The following LINGO2 variants were observed in gnomAD, a reference collection of about 807,000 sequenced individuals.
LINGO2 encodes leucine rich repeat and Ig domain containing 2.
A neutral mutation model predicts 30.6 loss-of-function variants in LINGO2; 14 were observed. The observed-to-expected ratio is 0.46, with a 90% CI of 0.30 to 0.72. The LOEUF is 0.72. LINGO2 is among the 30% of genes least tolerant of loss of function. LINGO2 has a pLI of 0.07. For synonymous variants in LINGO2, 317 were observed against 288.5 expected (o/e 1.10, Z -1.00); for missense variants, 729 against 751.7 (o/e 0.97, Z 0.35).
chr9:28,695,590 A>G, the LINGO2 span, among the ~76,000 whole-genome samples: 5 of 151,922 alleles, frequency 3.3e-5, no homozygotes, highest in Non-Finnish European at 2.9e-5. Context: ...TGACTTGTAA[A>G]TAGAGATTTC....
At chr9:28,883,618 A>ATG in the LINGO2 span, among the ~76,000 whole-genome samples, 4,322 of 36,146 alleles carry the variant, frequency 0.12, 718 homozygotes, top group Middle Eastern at 0.18. Flanking sequence ...TATATAAAAT[A>ATG]TGTGTGTGTG....
At chr9:28,220,195 G>C (rs4472614) in intron 4 of LINGO2, among the ~76,000 whole-genome samples, 1 of 151,910 alleles carries the variant, frequency 6.6e-6, no homozygotes, top group African/African-American at 2.4e-5. Context: ...TGGGATTTTC[G>C]TATCTCTGGG....
chr9:28,309,637 T>G lies in LINGO2; in HGVS notation c.-245-14271A>C, dbSNP rs142091350. 3.8e-3 allele frequency among the ~76,000 whole-genome samples: 584 copies of G among 151,820 alleles called. 4 individuals carry two copies. Among genetic ancestry groups the G allele is most frequent in the African/African-American group, 0.014 (560 of 41,442 alleles). On this transcript the variant is annotated intron_variant, in intron 3 of 5. Transcript: ENST00000379992. ...GGGTAAGCTAAGATTAATTTACTAT[T>G]AAAGAAAAAATTTAAAAAAATTGAT...
chr9:28,634,485 C>CTTTTTTTTTT (rs755583837), intron 1 of LINGO2, among the ~76,000 whole-genome samples: 10 of 124,664 alleles, frequency 8.0e-5, no homozygotes, highest in South Asian at 2.5e-4. Context: ...TTCTTTTTTT[C>CTTTTTTTTTT]TTTTTTTTTT....
chr9:28,293,384 C>T (rs542850185), intron 4 of LINGO2, among the ~76,000 whole-genome samples: 2 of 152,222 alleles, frequency 1.3e-5, no homozygotes, highest in Admixed American at 6.5e-5. Context: ...AGGTGTAAGC[C>T]ACTGTACCCA....
the LINGO2 span, among the ~76,000 whole-genome samples, chr9:28,766,167 T>C: frequency 2.0e-5 from 3 of 152,014 alleles, 1 homozygote; most frequent in African/African-American, 7.3e-5. Flanking sequence ...TGCCTACTAT[T>C]TGGGAGAAAA....
intron 1 of LINGO2, among the ~76,000 whole-genome samples, chr9:28,662,454 T>A (rs1290563644): frequency 6.6e-6 from 1 of 152,196 alleles, no homozygotes; most frequent in East Asian, 1.9e-4. Context: ...ATGTAATCTA[T>A]CAAGTGATAG....
At chr9:28,484,070 T>C (rs1826075095) in intron 1 of LINGO2, among the ~76,000 whole-genome samples, 1 of 152,062 alleles carries the variant, frequency 6.6e-6, no homozygotes, top group African/African-American at 2.4e-5. Context: ...CAGCAACAGC[T>C]TCCAGTAGCA....
At chr9:27,966,801 T>C (rs749465876) in intron 5 of LINGO2, among the ~76,000 whole-genome samples, 12 of 152,158 alleles carry the variant, frequency 7.9e-5, no homozygotes, top group Non-Finnish European at 1.8e-4. Flanking sequence ...GGCTGCCTTC[T>C]GTGATAATTG....
At chr9:28,757,637 C>A in the LINGO2 span, among the ~76,000 whole-genome samples, 3 of 151,896 alleles carry the variant, frequency 2.0e-5, no homozygotes, top group Admixed American at 6.6e-5. Flanking sequence ...AACTGATCTC[C>A]AATTAGGCCA....
At chr9:28,162,972 G>C (rs1828329351) in intron 4 of LINGO2, among the ~76,000 whole-genome samples, 1 of 152,152 alleles carries the variant, frequency 6.6e-6, no homozygotes, top group Non-Finnish European at 1.5e-5. Context: ...TGGTGAGAAT[G>C]AACTGGAGAG....
chr9:28,340,234 A>G (rs57191317), intron 3 of LINGO2, among the ~76,000 whole-genome samples: 3,259 of 152,244 alleles, frequency 0.021, 98 homozygotes, highest in African/African-American at 0.074. Context: ...TGGACAATTC[A>G]TAACTCATAA....
intron 2 of LINGO2, among the ~76,000 whole-genome samples, chr9:28,426,282 T>G (rs1445486108): frequency 6.6e-6 from 1 of 152,070 alleles, no homozygotes. Context: ...CTATAACATA[T>G]TAATGATACA....
intron 4 of LINGO2, among the ~76,000 whole-genome samples, chr9:28,121,091 C>G (rs988385352): frequency 6.6e-6 from 1 of 152,012 alleles, no homozygotes; most frequent in Non-Finnish European, 1.5e-5. Flanking sequence ...TTTTGGGTCT[C>G]CAGAACACAA....
chr9:28,125,237 C>A (rs1827204213), intron 4 of LINGO2, among the ~76,000 whole-genome samples: 1 of 152,066 alleles, frequency 6.6e-6, no homozygotes, highest in South Asian at 2.1e-4. Flanking sequence ...TTCTTTAGAC[C>A]TTTCAGAAGC....
In LINGO2 at chr9:28,055,188, T is replaced by A. The variant is rs1302052289; in HGVS notation, c.-86-42783A>T. ...TATCCTTATGTAAATTGGCTTAATTTTTTAAGTTTCTGCAGACAATTTCTT... is the reference window on the plus strand; with the variant it reads ...TATCCTTATGTAAATTGGCTTAATTATTTAAGTTTCTGCAGACAATTTCTT... On this transcript the variant is annotated intron_variant, in intron 4 of 5. Transcript: ENST00000379992. Among the ~76,000 whole-genome samples the A allele has an allele frequency of 2.0e-5, 3 of 152,170 alleles. No individual in the cohort carries two copies. The East Asian group carries it at 5.8e-4, about 29-fold the overall frequency.
intron 4 of LINGO2, among the ~76,000 whole-genome samples, chr9:28,161,612 G>A (rs747639889): frequency 6.6e-6 from 1 of 152,012 alleles, no homozygotes; most frequent in Non-Finnish European, 1.5e-5. Context: ...TCTCCATCTC[G>A]ATGTATATTG....
chr9:28,997,013 A>G, the LINGO2 span, among the ~76,000 whole-genome samples: 1 of 152,206 alleles, frequency 6.6e-6, no homozygotes, highest in South Asian at 2.1e-4. Flanking sequence ...TGCAAATTAG[A>G]TATTAGTAAT....
chr9:28,045,260 C>T (rs1029775060), intron 4 of LINGO2, among the ~76,000 whole-genome samples: 2 of 152,120 alleles, frequency 1.3e-5, no homozygotes, highest in African/African-American at 2.4e-5. Flanking sequence ...GTAAAATACG[C>T]TCAGTCACCC....
Sources: allele counts gnomAD v4.1 joint callset (sites outside exome capture counted in the v4.1 genomes callset), GRCh38; gene constraint gnomAD v4.1.1; transcripts MANE v1.5; gene names NCBI Gene and HGNC (gene_info 2026-07-23, HGNC 2026-07-21).